EXOSC9: variants seen among roughly 807,000 people sequenced by gnomAD.
EXOSC9 encodes the protein exosome complex component RRP45.
In EXOSC9, 38 loss-of-function variants were observed where a neutral mutation model predicts 56.5. That is an observed-to-expected ratio of 0.67 (90% CI 0.52 to 0.88). The LOEUF (loss-of-function observed/expected upper bound fraction) is 0.88. Among genes scored for constraint, EXOSC9 ranks in the 40% least tolerant of loss-of-function variants. EXOSC9 has a pLI of 0.00. For synonymous variants in EXOSC9, 170 were observed against 170.8 expected, an observed-to-expected ratio of 0.99 and a Z score of 0.04; for missense variants, 559 against 530.5, an observed-to-expected ratio of 1.05 and a Z score of -0.53.
chr4:121,813,224 C>T lies in EXOSC9; in HGVS notation c.828-10C>T. On this transcript the variant is annotated splice_polypyrimidine_tract_variant and intron_variant, in intron 8 of 11. Transcript: ENST00000243498. ...CCCTTCCTTCCCACCAAAAAAACCC[C>T]CACATACAGGAAAGAAGGTGGAAAG... is the stretch of plus-strand genomic sequence containing the variant. The T allele has an allele frequency of 6.2e-7, 1 of 1,602,332 alleles. No homozygotes were observed. Among genetic ancestry groups the T allele is most frequent in the Non-Finnish European group, 8.5e-7 (1 of 1,174,004 alleles).
At chr4:121,808,421 G>A (rs72915957) in intron 6 of EXOSC9, among the ~76,000 whole-genome samples, 6,155 of 152,176 alleles carry the variant, frequency 0.04, 407 homozygotes, top group African/African-American at 0.14. Flanking sequence ...TTTCAGCAGC[G>A]TGATTTTTGC....
At chr4:121,815,493 G>A (rs751344732) in intron 10 of EXOSC9, 19 of 984,470 alleles carry the variant, frequency 1.9e-5, no homozygotes, top group Non-Finnish European at 2.2e-5. Flanking sequence ...ACAAATAATT[G>A]ATATGGGTTA....
intron 8 of EXOSC9, 58 bp downstream of exon 8, chr4:121,811,729 A>AT (rs755293281): frequency 7.9e-5 from 68 of 861,362 alleles, no homozygotes; most frequent in Non-Finnish European, 9.5e-5. Context: ...AATTTTTATT[A>AT]TTTTTTTTAG....
intron 6 of EXOSC9, chr4:121,809,751 C>T: frequency 1.8e-6 from 1 of 561,304 alleles, no homozygotes; most frequent in Non-Finnish European, 3.2e-6. Flanking sequence ...AATGTGATTT[C>T]ATTGTAATAA....
chr4:121,803,682 G>A (rs541730869), intron 4 of EXOSC9, among the ~76,000 whole-genome samples: 2 of 152,188 alleles, frequency 1.3e-5, no homozygotes, highest in African/African-American at 2.4e-5. Context: ...TGGAACTACC[G>A]GCGCCTGCCA....
Position 121,807,631 on chromosome 4 carries a change from C to T in EXOSC9, c.605+9C>T, listed in dbSNP as rs377544292. 120 of 1,587,104 alleles carry T rather than the reference C, an allele frequency of 7.6e-5. No individual in the cohort carries two copies. Among genetic ancestry groups the T allele is most frequent in the Non-Finnish European group, 9.2e-5 (106 of 1,155,716 alleles). The stretch of plus-strand genomic sequence containing the variant: ...GCCTTTTTCCAGCAAGGGTAAGCCT[C>T]GCCTTATTATGGGCCAAAATTACAA... On this transcript the variant is annotated intron_variant, in intron 6 of 11. Transcript: ENST00000243498.
chr4:121,807,247 G>A (rs1727047511), intron 5 of EXOSC9, among the ~76,000 whole-genome samples: 1 of 152,066 alleles, frequency 6.6e-6, no homozygotes, highest in Non-Finnish European at 1.5e-5. Context: ...CTGACATCTT[G>A]CCATTGCACT....
chr4:121,809,887 A>G (rs1265909816), intron 6 of EXOSC9, 80 bp from the exon 7 acceptor site: 4 of 1,527,974 alleles, frequency 2.6e-6, no homozygotes, highest in Admixed American at 3.4e-5. Context: ...TATTGATGCC[A>G]TCTTTTAAAA....
chr4:121,816,705 G>C (rs1724527528), intron 11 of EXOSC9, 67 bp from the exon 12 acceptor site: 1 of 1,450,848 alleles, frequency 6.9e-7, no homozygotes, highest in Non-Finnish European at 9.1e-7. Context: ...ACTAAGAAAT[G>C]CCTCTTATTT....
intron 6 of EXOSC9, chr4:121,809,736 A>G (rs897001907): frequency 3.7e-6 from 2 of 545,370 alleles, no homozygotes; most frequent in African/African-American, 3.8e-5. Flanking sequence ...ATCCAATCTG[A>G]ACTTAATGTG....
intron 10 of EXOSC9, chr4:121,814,966 A>T (rs1161699062): frequency 6.6e-6 from 1 of 152,206 alleles, no homozygotes; most frequent in African/African-American, 2.4e-5. Context: ...GGCAGGGAAA[A>T]TTGAAGGTGA....
Position 121,811,680 on chromosome 4 carries a change from C to G in EXOSC9, c.827+9C>G. On this transcript the variant is annotated intron_variant, in intron 8 of 11. Transcript: ENST00000243498. ...AATGACCAAAAAGTAAGGTAAGTAA[C>G]TTTTCCAGAACTAAGTGGTCTTTTA... The G allele has an allele frequency of 7.0e-7, 1 of 1,429,400 alleles. No individual in the cohort carries two copies. The highest frequency in any genetic ancestry group is 2.4e-5 in the East Asian group (1 of 42,354). The allele number at this position is 1,429,400 out of a possible 1,614,324, so 88.5% of individuals were successfully genotyped here. A position where few individuals can be genotyped will look rare whatever the true frequency, so the allele number is the denominator to read the frequency against.
rs1051881 is a variant in EXOSC9, at chr4:121,816,810, G to C, written c.1274G>C (p.Ser425Thr). 61,615 of 1,601,626 alleles carry C rather than the reference G, an allele frequency of 0.038. 6,769 individuals carry two copies. The African/African-American group carries it at 0.4, about 11-fold the overall frequency. The stretch of plus-strand genomic sequence containing the variant: ...AGTGCAAAACAAGAAAAAGCACCAA[G>C]TAAAAAGCCAGTGAAAAGAAGAAAA... ...TTSAKQEKAP[S>T]KKPVKRRKKK... Residue 425 changes from serine (S) to threonine (T), a missense_variant, in exon 12 of 12, where the codon AGT becomes ACT. Ser to Thr is a moderately conservative substitution (Grantham distance 58). Transcript: ENST00000243498.
intron 7 of EXOSC9, 143 bp downstream of exon 7, chr4:121,810,242 A>G (rs985530638): frequency 2.6e-5 from 19 of 722,882 alleles, no homozygotes; most frequent in Non-Finnish European, 3.9e-5. Flanking sequence ...TACTGTCACT[A>G]TTAAATACAT....
At position 121,804,668 on chromosome 4, in the gene EXOSC9, ATAT is replaced by A. The variant is rs758488782; in HGVS notation, c.436_438del (p.Ile146del). The A allele has an allele frequency of 3.1e-6, 5 of 1,607,292 alleles. No individual in the cohort carries two copies. The highest frequency in any genetic ancestry group is 1.3e-5 in the African/African-American group (1 of 74,816). ...CTACATTTATTAAATCATGATGGAAATATTATTGATGCTGCCAGCATTGCTGCA... is the reference window on the plus strand; with the variant it reads ...CTACATTTATTAAATCATGATGGAAATATTGATGCTGCCAGCATTGCTGCA... On this transcript the variant is annotated inframe_deletion, in exon 5 of 12. Transcript: ENST00000243498.
Position 121,807,532 on chromosome 4 carries a change from T to C in EXOSC9, c.523-8T>C. 2.6e-6 allele frequency: 4 copies of C among 1,560,730 alleles called. No individual in the cohort carries two copies. The highest frequency in any genetic ancestry group is 1.7e-5 in the Admixed American group (1 of 57,274). On this transcript the variant is annotated splice_region_variant and splice_polypyrimidine_tract_variant and intron_variant, in intron 5 of 11. Coordinates refer to ENST00000243498, the MANE Select transcript of EXOSC9 (RefSeq NM_005033.3). ...ACTATAATTATTAAACATTTTCTTT[T>C]GAAACAGTATACACCTGAAGAGCGT...
At position 121,813,320 on chromosome 4, in the gene EXOSC9, C is replaced by T. The variant is rs183848511; in HGVS notation, c.914C>T (p.Thr305Ile). The T allele has an allele frequency of 2.4e-5, 38 of 1,613,494 alleles. No homozygotes were observed. The highest frequency in any genetic ancestry group is 3.1e-5 in the Non-Finnish European group (36 of 1,179,526). Residue 305 changes from threonine to isoleucine, a missense_variant, in exon 9 of 12, where the codon ACC becomes ATC. Coordinates refer to ENST00000243498, the MANE Select transcript of EXOSC9 (RefSeq NM_005033.3). The stretch of plus-strand genomic sequence containing the variant: ...AAAATGGAAAAGGCCCCTATTGATA[C>T]CTCGGATGTAGAAGAAAAAGCAGAA... The part of the protein sequence containing the change: ...AFKMEKAPID[T>I]SDVEEKAEEI...
At chr4:121,802,844 C>T in intron 3 of EXOSC9, 51 bp downstream of exon 3, 1 of 1,612,428 alleles carries the variant, frequency 6.2e-7, no homozygotes, top group Non-Finnish European at 8.5e-7. Context: ...AACCTAACAG[C>T]AGTGAGCTTT....
intron 7 of EXOSC9, among the ~76,000 whole-genome samples, chr4:121,811,011 A>G (rs949096724): frequency 2.6e-5 from 4 of 152,244 alleles, no homozygotes; most frequent in African/African-American, 9.6e-5. Context: ...ATAGATCTCC[A>G]TATAGCATAC....
Sources: gnomAD v4.1 joint callset for allele counts (sites outside exome capture counted in the v4.1 genomes callset) on GRCh38, gnomAD v4.1.1 for gene constraint, MANE v1.5 for transcripts, NCBI Gene and HGNC (gene_info 2026-07-23, HGNC 2026-07-21) for gene names.